UXS1: variants seen among roughly 807,000 people sequenced by gnomAD.
UXS1 encodes the protein UDP-glucuronic acid decarboxylase 1.
Under a neutral mutation model 62.6 loss-of-function variants are expected in UXS1, and 33 were observed. That is an observed-to-expected ratio of 0.53 (90% confidence interval 0.40 to 0.70). The LOEUF (loss-of-function observed/expected upper bound fraction) is 0.70, where lower values mean the gene tolerates loss of function less well. Ranked by LOEUF, UXS1 falls within the 30% of genes least tolerant of loss-of-function variation. The probability of loss-of-function intolerance (pLI) is 0.00; values close to 1 mark genes in which losing one functional copy is unlikely to be tolerated. For synonymous variants in UXS1, 213 were observed against 206.8 expected (o/e 1.03, Z -0.26); for missense variants, 434 against 556.3 (o/e 0.78, Z 2.21).
intron 6 of UXS1, chr2:106,138,851 TA>T: frequency 1.0e-5 from 10 of 985,466 alleles, no homozygotes; most frequent in Non-Finnish European, 1.1e-5. Flanking sequence ...GTTCTTCCTG[TA>T]ACATTAACAA....
intron 11 of UXS1, among the ~76,000 whole-genome samples, chr2:106,103,962 G>T (rs1677825342): frequency 6.6e-6 from 1 of 152,168 alleles, no homozygotes; most frequent in South Asian, 2.1e-4. Flanking sequence ...CTTGGGGGCT[G>T]CCCCGACCTG....
intron 6 of UXS1, chr2:106,138,984 T>C: frequency 5.5e-6 from 3 of 541,566 alleles, no homozygotes; most frequent in Non-Finnish European, 7.1e-6. Context: ...TAACCAGCAA[T>C]GAGAGGTGCT....
At chr2:106,148,309 A>C (rs1681743151) in intron 5 of UXS1, among the ~76,000 whole-genome samples, 1 of 152,260 alleles carries the variant, frequency 6.6e-6, no homozygotes, top group Admixed American at 6.5e-5. Context: ...ATTTCATTTT[A>C]TCTTCACGTT....
chr2:106,122,699 G>C (rs1306268166), intron 9 of UXS1, among the ~76,000 whole-genome samples: 2 of 152,162 alleles, frequency 1.3e-5, no homozygotes, highest in Non-Finnish European at 2.9e-5. Flanking sequence ...CTGCTGGTGA[G>C]CAACTGGCAA....
At chr2:106,190,743 C>CAAAAA (rs35043298) in intron 1 of UXS1, among the ~76,000 whole-genome samples, 25 of 124,830 alleles carry the variant, frequency 2.0e-4, no homozygotes, top group African/African-American at 2.4e-4. Flanking sequence ...AACTCTGTAT[C>CAAAAA]AAAAAAAAAA....
chr2:106,192,531 G>A (rs2104309523), intron 1 of UXS1, among the ~76,000 whole-genome samples: 1 of 149,908 alleles, frequency 6.7e-6, no homozygotes, highest in Admixed American at 6.6e-5. Flanking sequence ...TCCAGCCTGG[G>A]CTGAACAGAG....
chr2:106,191,316 T>C (rs1684920047), intron 1 of UXS1, among the ~76,000 whole-genome samples: 1 of 152,232 alleles, frequency 6.6e-6, no homozygotes, highest in Admixed American at 6.5e-5. Flanking sequence ...GGACAGTTTT[T>C]TCAAACAGTG....
chr2:106,172,157 A>G (rs746417948), intron 1 of UXS1, among the ~76,000 whole-genome samples: 7 of 152,226 alleles, frequency 4.6e-5, no homozygotes, highest in African/African-American at 7.2e-5. Flanking sequence ...TGCAGCATGT[A>G]TGGGGAGGAC....
At chr2:106,130,251 T>C (rs563705612) in intron 6 of UXS1, among the ~76,000 whole-genome samples, 8 of 152,222 alleles carry the variant, frequency 5.3e-5, no homozygotes, top group African/African-American at 1.9e-4. Context: ...CCTGAGACCA[T>C]GGCGAGGGAG....
chr2:106,137,860 C>T lies in UXS1; in HGVS notation c.472+7330G>A, dbSNP rs1235460070. Among the ~76,000 whole-genome samples, 7 of 152,042 alleles carry T rather than the reference C, an allele frequency of 4.6e-5. No individual in the cohort carries two copies. In the East Asian group the frequency reaches 1.3e-3, roughly 29 times the overall value. ...TAAAAAATGAACCTGGCCAGACCTT[C>T]AGAGCCGAGTACGACACCACAGAGC... On this transcript the variant is annotated intron_variant, in intron 6 of 14. Transcript: ENST00000283148.
intron 6 of UXS1, among the ~76,000 whole-genome samples, chr2:106,142,500 T>C (rs1681192814): frequency 6.6e-6 from 1 of 152,256 alleles, no homozygotes; most frequent in Non-Finnish European, 1.5e-5. Flanking sequence ...ATTTCTAGTG[T>C]AATTCCACTC....
At chr2:106,188,296 G>C (rs945014989) in intron 1 of UXS1, among the ~76,000 whole-genome samples, 1 of 152,176 alleles carries the variant, frequency 6.6e-6, no homozygotes, top group African/African-American at 2.4e-5. Flanking sequence ...GGAAAAAGAA[G>C]ATAGGTGAAT....
intron 6 of UXS1, chr2:106,138,363 G>A (rs1573486385): frequency 2.0e-6 from 2 of 985,566 alleles, no homozygotes; most frequent in Non-Finnish European, 2.4e-6. Flanking sequence ...ACTAGACGAT[G>A]AGCTCACTGA....
At chr2:106,115,805 T>C (rs1178345886) in intron 9 of UXS1, among the ~76,000 whole-genome samples, 1 of 152,230 alleles carries the variant, frequency 6.6e-6, no homozygotes, top group African/African-American at 2.4e-5. Flanking sequence ...GCCATCATTA[T>C]TATCTACCTC....
chr2:106,187,837 T>G (rs1684665733), intron 1 of UXS1, among the ~76,000 whole-genome samples: 1 of 151,686 alleles, frequency 6.6e-6, no homozygotes, highest in African/African-American at 2.4e-5. Context: ...CGCCTCCGGG[T>G]TCACGAGATT....
At chr2:106,163,329 G>GTAA (rs1553434809) in intron 4 of UXS1, among the ~76,000 whole-genome samples, 1 of 152,144 alleles carries the variant, frequency 6.6e-6, no homozygotes, top group Non-Finnish European at 1.5e-5. Flanking sequence ...TTTGCATATG[G>GTAA]TACATTTCAG....
At chr2:106,097,360 C>G (rs529459103) in intron 13 of UXS1, 1 of 385,346 alleles carries the variant, frequency 2.6e-6, no homozygotes, top group Non-Finnish European at 5.3e-6. Flanking sequence ...TGGGCCCAGG[C>G]CCCACTGGCC....
rs1034440359 is a variant in UXS1, at chr2:106,164,145, C to T, written c.187-435G>A. Among the ~76,000 whole-genome samples the T allele has an allele frequency of 3.6e-4, 55 of 152,322 alleles. 1 individual carries two copies. The highest frequency in any genetic ancestry group is 1.3e-3 in the African/African-American group (53 of 41,568). The stretch of plus-strand genomic sequence containing the variant: ...CAGGCTGTGAGTCAACCTACATCCA[C>T]GTCTGTAGACACTGTGGACTCAGGC... On this transcript the variant is annotated intron_variant, in intron 3 of 14. Coordinates refer to ENST00000283148, the MANE Select transcript of UXS1 (RefSeq NM_001253875.2).
At chr2:106,111,755 A>AT (rs1678629933) in intron 10 of UXS1, among the ~76,000 whole-genome samples, 1 of 152,228 alleles carries the variant, frequency 6.6e-6, no homozygotes, top group Non-Finnish European at 1.5e-5. Context: ...ACACAGAGCT[A>AT]TAATTCTTCC....
Sources: allele counts gnomAD v4.1 joint callset (sites outside exome capture counted in the v4.1 genomes callset), GRCh38; gene constraint gnomAD v4.1.1; transcripts MANE v1.5; gene names NCBI Gene and HGNC (gene_info 2026-07-23, HGNC 2026-07-21).